Variants in FCN2 observed in about 807,000 individuals in gnomAD.
FCN2 encodes ficolin-2.
FCN2 carries 31 observed loss-of-function variants against 32.5 expected under a neutral mutation model. That is an observed-to-expected ratio of 0.96 (90% CI 0.72 to 1.29). FCN2 has a LOEUF of 1.29. FCN2 is among the 50% of genes most tolerant of loss of function. The probability of loss-of-function intolerance (pLI) is 0.00; values close to 1 mark genes in which losing one functional copy is unlikely to be tolerated. For synonymous variants in FCN2, 181 were observed against 164.5 expected (o/e 1.10, Z -0.77); for missense variants, 412 against 406.5 (o/e 1.01, Z -0.12).
rs777271233 is a variant in FCN2, at chr9:134,886,549, G to T, written c.679G>T (p.Val227Leu). 1.2e-6 allele frequency: 2 copies of T among 1,614,000 alleles called. No homozygotes were observed. The highest frequency in any genetic ancestry group is 1.1e-5 in the South Asian group (1 of 91,066). ...EKYNLVLGAF[V>L]EGSAGDSLTF... The stretch of plus-strand genomic sequence containing the variant: ...GTACAATCTGGTCCTGGGGGCCTTC[G>T]TGGAGGGCAGTGCGGGTGAGTGTCT... The change falls in exon 7 of 8, where the codon GTG becomes TTG. Residue 227 changes from valine (V) to leucine (L), a missense_variant. By Grantham distance (32) the Val-to-Leu change is conservative (BLOSUM62 1). Transcript: ENST00000291744.
chr9:134,886,292 C>A, intron 6 of FCN2, 138 bp from the exon 7 acceptor site: 1 of 1,009,188 alleles, frequency 9.9e-7, no homozygotes, highest in East Asian at 2.4e-5. Flanking sequence ...TACACAGGCC[C>A]CGGGGATGCT....
rs150154280 is a variant in FCN2 at position 134,887,358 on chromosome 9, G to T, written c.885G>T (p.Ser295=). 6.2e-7 allele frequency: 1 copy of T among 1,614,132 alleles called. No homozygotes were observed. Among genetic ancestry groups the T allele is most frequent in the Non-Finnish European group, 8.5e-7 (1 of 1,180,000 alleles). ...TTGCAAATGGCATCAACTGGAAGTC[G>T]GGGAAAGGATACAATTATAGCTACA... is the stretch of plus-strand genomic sequence containing the variant. ...GSFANGINWK[S]GKGYNYSYKV... The change falls in exon 8 of 8, where the codon TCG becomes TCT. Residue 295 remains serine, a synonymous_variant. Coordinates refer to ENST00000291744, the MANE Select transcript of FCN2 (RefSeq NM_004108.3).
the FCN2 span, among the ~76,000 whole-genome samples, chr9:134,871,255 C>T: frequency 6.6e-6 from 1 of 152,166 alleles, no homozygotes; most frequent in African/African-American, 2.4e-5. Flanking sequence ...CATGGATTCC[C>T]GCGGCTTGGC....
chr9:134,867,497 G>C, the FCN2 span, among the ~76,000 whole-genome samples: 1 of 113,612 alleles, frequency 8.8e-6, no homozygotes, highest in Non-Finnish European at 1.8e-5. Flanking sequence ...TGGTGGGGTG[G>C]GGGGAGGGGG....
At chr9:134,880,768 G>A (rs1830650113), upstream of FCN2, 2 of 1,408,100 alleles carry the variant, frequency 1.4e-6, no homozygotes, top group Admixed American at 1.7e-5. Context: ...AGGGAGGCTG[G>A]CTTCTCTAGC....
chr9:134,865,651 CCACCAAGCAGTG>C, the FCN2 span, among the ~76,000 whole-genome samples: 1 of 151,590 alleles, frequency 6.6e-6, no homozygotes, highest in East Asian at 1.9e-4. Context: ...AAAAAAAAAT[CCACCAAGCAGTG>C]GCAGCTGCCA....
chr9:134,884,594 A>G (rs75281646), intron 3 of FCN2, 146 bp from the exon 4 acceptor site: 1 of 803,280 alleles, frequency 1.2e-6, no homozygotes, highest in East Asian at 2.7e-5. Context: ...AATTTGGTCA[A>G]CAGAACCAGG....
chr9:134,881,196 C>T (rs1188704250), intron 1 of FCN2, among the ~76,000 whole-genome samples: 2 of 152,172 alleles, frequency 1.3e-5, no homozygotes, highest in Admixed American at 6.5e-5. Flanking sequence ...CCCCTCTAAG[C>T]GTAAAAAGCG....
At chr9:134,885,969 G>A in intron 6 of FCN2, 72 bp downstream of exon 6, 2 of 1,476,588 alleles carry the variant, frequency 1.4e-6, no homozygotes, top group Non-Finnish European at 9.2e-7. Flanking sequence ...GGCCTGGGCT[G>A]CCTGGAACAC....
chr9:134,887,519 C>T lies in FCN2; in HGVS notation c.*104C>T. 2 of 1,148,280 alleles carry T rather than the reference C, an allele frequency of 1.7e-6. No individual in the cohort carries two copies. The highest frequency in any genetic ancestry group is 2.6e-6 in the Non-Finnish European group (2 of 782,506). 71.1% of individuals were successfully genotyped at this position (1,148,280 alleles called of 1,614,324 possible). ...TGTAAAAGAAACACATGTCGTGATTCTAAATTGGGTTTGTCTTGCTGTGCG... is the reference window on the plus strand; with the variant it reads ...TGTAAAAGAAACACATGTCGTGATTTTAAATTGGGTTTGTCTTGCTGTGCG... On this transcript the variant is annotated 3_prime_UTR_variant, in exon 8 of 8. Coordinates refer to ENST00000291744, the MANE Select transcript of FCN2 (RefSeq NM_004108.3).
At chr9:134,885,716 T>C (rs1010767384) in intron 5 of FCN2, 52 bp from the exon 6 acceptor site, 13 of 1,612,222 alleles carry the variant, frequency 8.1e-6, no homozygotes, top group Non-Finnish European at 1.1e-5. Flanking sequence ...TCCCCCGTGC[T>C]GTGGGACGTC....
the FCN2 span, among the ~76,000 whole-genome samples, chr9:134,873,892 GTTTTTT>G: frequency 4.7e-5 from 3 of 63,238 alleles, no homozygotes; most frequent in Admixed American, 1.6e-4. Flanking sequence ...TGTTTGTTTT[GTTTTTT>G]GTTTTTTTTT....
At chr9:134,884,996 G>T (rs1478170839) in intron 4 of FCN2, among the ~76,000 whole-genome samples, 1 of 152,252 alleles carries the variant, frequency 6.6e-6, no homozygotes, top group African/African-American at 2.4e-5. Context: ...ATCTACGCCA[G>T]AAGGCCGGGT....
chr9:134,865,816 A>C, the FCN2 span, among the ~76,000 whole-genome samples: 1 of 152,228 alleles, frequency 6.6e-6, no homozygotes, highest in Non-Finnish European at 1.5e-5. Flanking sequence ...CAATGTGCAA[A>C]AATCACAAGC....
At chr9:134,882,923 G>A (rs1182148703) in intron 2 of FCN2, among the ~76,000 whole-genome samples, 1 of 152,186 alleles carries the variant, frequency 6.6e-6, no homozygotes, top group African/African-American at 2.4e-5. Flanking sequence ...TTCAAGCTCT[G>A]TGTCCCTCCA....
At chr9:134,872,646 C>CG in the FCN2 span, among the ~76,000 whole-genome samples, 2 of 152,120 alleles carry the variant, frequency 1.3e-5, no homozygotes, top group African/African-American at 2.4e-5. Flanking sequence ...GAGCGTGGTG[C>CG]GGGGGAACTC....
the FCN2 span, among the ~76,000 whole-genome samples, chr9:134,870,990 C>G: frequency 6.6e-6 from 1 of 152,196 alleles, no homozygotes; most frequent in African/African-American, 2.4e-5. This position sits in a 1 kb window ranked among gnomAD's most constrained non-coding sequence, Gnocchi z 4.3. Flanking sequence ...GTCAGGCGAC[C>G]TCGTTGCCAG....
At chr9:134,876,884 G>C (rs6537956), upstream of FCN2, among the ~76,000 whole-genome samples, 35 of 131,120 alleles carry the variant, frequency 2.7e-4, no homozygotes, top group Non-Finnish European at 1.1e-4. Context: ...GTTTGACTTA[G>C]GTATTTCTTG....
the FCN2 span, chr9:134,868,307 C>T: frequency 6.5e-6 from 1 of 153,264 alleles, no homozygotes; most frequent in Non-Finnish European, 1.5e-5. The surrounding 1 kb of genome is among the most constrained non-coding windows in gnomAD (Gnocchi z 4.3). Context: ...AAAACTGTGC[C>T]GTGCACTATC....
Sources: gnomAD v4.1 joint callset for allele counts (sites outside exome capture counted in the v4.1 genomes callset) on GRCh38, gnomAD v4.1.1 for gene constraint, Gnocchi (gnomAD v3.1) non-coding constraint, MANE v1.5 for transcripts, NCBI Gene and HGNC (gene_info 2026-07-23, HGNC 2026-07-21) for gene names.